The following PXDN variants were observed in gnomAD, a reference collection of about 807,000 sequenced individuals.
PXDN encodes peroxidasin.
PXDN carries 77 observed loss-of-function variants against 140.3 expected under a neutral mutation model. The observed-to-expected ratio is 0.55, with a 90% CI of 0.46 to 0.66. The LOEUF is 0.66. PXDN is among the 30% of genes least tolerant of loss of function. The pLI is 0.00. For missense variants in PXDN, 1,838 were observed against 2,039.5 expected (o/e 0.90, Z 1.90); for synonymous variants, 911 against 857.4 (o/e 1.06, Z -1.09).
intron 16 of PXDN, 185 bp downstream of exon 16, chr2:1,653,443 C>G (rs1179866662): frequency 3.2e-6 from 3 of 934,550 alleles, no homozygotes; most frequent in African/African-American, 1.6e-5. Flanking sequence ...CCTATTAAAC[C>G]AAAGTGAGAG....
chr2:1,692,714 A>G (rs780683051), intron 2 of PXDN: 8 of 435,180 alleles, frequency 1.8e-5, no homozygotes, highest in Non-Finnish European at 2.8e-5. Flanking sequence ...GTCCTGCTCA[A>G]TCTTGCCACG....
chr2:1,735,688 T>C (rs77733571), intron 1 of PXDN, among the ~76,000 whole-genome samples: 189 of 152,304 alleles, frequency 1.2e-3, no homozygotes, highest in African/African-American at 4.3e-3. Context: ...ACAGTAGATT[T>C]GGCAGGGTCC....
intron 19 of PXDN, among the ~76,000 whole-genome samples, chr2:1,643,061 C>T (rs982265684): frequency 1.3e-5 from 2 of 152,162 alleles, no homozygotes; most frequent in Admixed American, 1.3e-4. Context: ...GCTAGACATA[C>T]ATTAGGCTTT....
At chr2:1,634,763 C>G (rs537145434) in intron 22 of PXDN, among the ~76,000 whole-genome samples, 1 of 152,188 alleles carries the variant, frequency 6.6e-6, no homozygotes, top group Non-Finnish European at 1.5e-5. Context: ...CCAAACCTGA[C>G]CAGCTCAGGG....
rs1684860023 is a variant in PXDN at position 1,714,863 on chromosome 2, C to T, written c.201-21729G>A. ...GCACAGGAAGTAGGGGGTCCCTCTC[C>T]AGGCTCTGGGAGCCTGGCCTGGCGC... On this transcript the variant is annotated intron_variant, in intron 1 of 22. Coordinates refer to ENST00000252804, the MANE Select transcript of PXDN (RefSeq NM_012293.3). This position sits in a 1 kb window ranked among gnomAD's most constrained non-coding sequence, Gnocchi z 4.3. 6.6e-6 allele frequency among the ~76,000 whole-genome samples: 1 copy of T among 152,184 alleles called. No individual in the cohort carries two copies.
rs1321059186 is a variant in PXDN, at chr2:1,661,080, A to C, written c.1681-43T>G. ...GAAAACAGTATTAGAAATAAGACTAAGAAGCAGAAGTTATCTGACCTAGGG... is the reference window on the plus strand; with the variant it reads ...GAAAACAGTATTAGAAATAAGACTACGAAGCAGAAGTTATCTGACCTAGGG... On this transcript the variant is annotated intron_variant, in intron 13 of 22. Coordinates refer to ENST00000252804, the MANE Select transcript of PXDN (RefSeq NM_012293.3). 1.9e-6 allele frequency: 3 copies of C among 1,608,722 alleles called. No individual in the cohort carries two copies. In the South Asian group the frequency reaches 3.3e-5, roughly 18 times the overall value.
chr2:1,644,283 C>T (rs1259096149), intron 18 of PXDN, among the ~76,000 whole-genome samples: 1 of 151,986 alleles, frequency 6.6e-6, no homozygotes, highest in Admixed American at 6.6e-5. Flanking sequence ...AAGATCTTGC[C>T]CGAAGCCCAA....
At chr2:1,696,795 G>C (rs1165490620) in intron 1 of PXDN, among the ~76,000 whole-genome samples, 2 of 152,160 alleles carry the variant, frequency 1.3e-5, no homozygotes, top group African/African-American at 4.8e-5. Flanking sequence ...GAGGGGACTT[G>C]CAGCTGCCTC....
intron 1 of PXDN, among the ~76,000 whole-genome samples, chr2:1,708,040 A>G (rs1684661428): frequency 1.3e-5 from 2 of 152,218 alleles, no homozygotes; most frequent in South Asian, 4.1e-4. Flanking sequence ...CAAGGGGGGC[A>G]CGCCCAGGCC....
At position 1,649,504 on chromosome 2, in the gene PXDN, G is replaced by A. The variant is rs200731840; in HGVS notation, c.2276C>T (p.Ser759Leu). 4 of 1,614,006 alleles carry A rather than the reference G, an allele frequency of 2.5e-6. No homozygotes were observed. Among genetic ancestry groups the A allele is most frequent in the Non-Finnish European group, 3.4e-6 (4 of 1,179,882 alleles). Reference sequence around the variant, plus strand: ...CAGCAGGCGCTCGAAGGCGGTCAGCGAGGCGCCCCACATGGGGTGCTGCAG... The same window carrying A: ...CAGCAGGCGCTCGAAGGCGGTCAGCAAGGCGCCCCACATGGGGTGCTGCAG... Reference protein sequence around the residue: ...NNLQHPMWGASLTAFERLLKS... With the variant: ...NNLQHPMWGALLTAFERLLKS... The change falls in exon 17 of 23, where the codon TCG becomes TTG. Residue 759 changes from serine to leucine, a missense_variant. Ser to Leu is a moderately radical substitution (Grantham distance 145). This residue lies in a region of PXDN where 537 missense variants were observed against 583.9 expected (regional missense o/e 0.92). Coordinates refer to ENST00000252804, the MANE Select transcript of PXDN (RefSeq NM_012293.3). This position sits in a 1 kb window ranked among gnomAD's most constrained non-coding sequence, Gnocchi z 7.1.
rs1684025961 is a variant in PXDN, at chr2:1,685,316, G to C, written c.417-1165C>G. Among the ~76,000 whole-genome samples the C allele has an allele frequency of 6.6e-6, 1 of 152,240 alleles. No homozygotes were observed. The highest frequency in any genetic ancestry group is 2.4e-5 in the African/African-American group (1 of 41,476). Reference sequence around the variant, plus strand: ...AGGGAAGGAAAAACTGGAGCAGGAAGACAAGGAAAACCGCCGTGGGCGAGC... The same window carrying C: ...AGGGAAGGAAAAACTGGAGCAGGAACACAAGGAAAACCGCCGTGGGCGAGC... On this transcript the variant is annotated intron_variant, in intron 4 of 22. Transcript: ENST00000252804. This position sits in a 1 kb window ranked among gnomAD's most constrained non-coding sequence, Gnocchi z 5.1.
chr2:1,682,722 C>T (rs1683936401), intron 6 of PXDN, among the ~76,000 whole-genome samples: 5 of 152,150 alleles, frequency 3.3e-5, no homozygotes, highest in African/African-American at 1.2e-4. Flanking sequence ...GGCGGATCAC[C>T]TGAGGTCAGG....
intron 14 of PXDN, among the ~76,000 whole-genome samples, chr2:1,656,037 C>T (rs1683126335): frequency 6.6e-6 from 1 of 151,442 alleles, no homozygotes; most frequent in Admixed American, 6.6e-5. Context: ...ACTACACATA[C>T]CAACACCATA....
intron 1 of PXDN, among the ~76,000 whole-genome samples, chr2:1,719,566 C>A (rs1369087182): frequency 6.6e-6 from 1 of 152,218 alleles, no homozygotes; most frequent in African/African-American, 2.4e-5. Flanking sequence ...TCTCTGGATT[C>A]TCACCACAGT....
At position 1,687,735 on chromosome 2, in the gene PXDN, C is replaced by T; in HGVS notation, c.345-32G>A. Reference sequence around the variant, plus strand: ...CAAGAAACATTGGGGAGCATTAGCACACAGACAGGAGGTCAAACTTCAGAC... The same window carrying T: ...CAAGAAACATTGGGGAGCATTAGCATACAGACAGGAGGTCAAACTTCAGAC... On this transcript the variant is annotated intron_variant, in intron 3 of 22. Transcript: ENST00000252804. The surrounding 1 kb of genome is among the most constrained non-coding windows in gnomAD (Gnocchi z 4.0). 4 of 1,453,706 alleles carry T rather than the reference C, an allele frequency of 2.8e-6. No individual in the cohort carries two copies. Among genetic ancestry groups the T allele is most frequent in the Non-Finnish European group, 3.8e-6 (4 of 1,046,888 alleles). The allele number at this position is 1,453,706 out of a possible 1,614,324, so 90.1% of individuals were successfully genotyped here.
intron 4 of PXDN, among the ~76,000 whole-genome samples, chr2:1,684,850 G>GT (rs1423592417): frequency 6.6e-6 from 1 of 152,118 alleles, no homozygotes; most frequent in Non-Finnish European, 1.5e-5. Context: ...TGAAAAGTGG[G>GT]TTTTTTCCTC....
At chr2:1,710,859 C>T (rs1427529412) in intron 1 of PXDN, among the ~76,000 whole-genome samples, 1 of 88,046 alleles carries the variant, frequency 1.1e-5, no homozygotes, top group African/African-American at 4.7e-5. Context: ...GCACCCACTC[C>T]ACCAGCACCC....
chr2:1,737,907 A>C (rs1275210720), intron 1 of PXDN, among the ~76,000 whole-genome samples: 1 of 152,208 alleles, frequency 6.6e-6, no homozygotes, highest in East Asian at 1.9e-4. Context: ...TGAATTTAGA[A>C]AAATATCTAT....
intron 1 of PXDN, among the ~76,000 whole-genome samples, chr2:1,742,332 G>A (rs1306997531): frequency 1.3e-5 from 2 of 152,180 alleles, no homozygotes; most frequent in Non-Finnish European, 2.9e-5. Context: ...GCGACATTTC[G>A]AAGTATCACT....
Sources: gnomAD v4.1 joint callset for allele counts (sites outside exome capture counted in the v4.1 genomes callset) on GRCh38, gnomAD v4.1.1 for gene constraint, gnomAD v4.1.1 regional missense constraint, Gnocchi (gnomAD v3.1) non-coding constraint, MANE v1.5 for transcripts, NCBI Gene and HGNC (gene_info 2026-07-23, HGNC 2026-07-21) for gene names.